The following NBAS variants were observed in gnomAD, a reference collection of about 807,000 sequenced individuals.
NBAS encodes the protein NAG/BC035112 fusion.
Under a neutral mutation model 302.5 loss-of-function variants are expected in NBAS, and 219 were observed. The observed-to-expected ratio is 0.72, with a 90% CI of 0.65 to 0.81. The LOEUF is 0.81. Among genes scored for constraint, NBAS ranks in the 30% least tolerant of loss-of-function variants. The pLI is 0.00. For missense variants in NBAS, 2,932 were observed against 2,841.6 expected, an observed-to-expected ratio of 1.03 and a Z score of -0.72; for synonymous variants, 1,118 against 1,021.6, an observed-to-expected ratio of 1.09 and a Z score of -1.80.
At chr2:15,526,678 T>C (rs79833181) in intron 9 of NBAS, among the ~76,000 whole-genome samples, 1,626 of 152,228 alleles carry the variant, frequency 0.011, 14 homozygotes, top group Non-Finnish European at 0.018. Flanking sequence ...GAAACAATAA[T>C]GTAGTTATCC....
chr2:15,050,378 G>A, the NBAS span, among the ~76,000 whole-genome samples: 6 of 151,144 alleles, frequency 4.0e-5, no homozygotes, highest in African/African-American at 1.5e-4. Flanking sequence ...AACCCTTGTG[G>A]CTTCAAAGTT....
downstream of NBAS, among the ~76,000 whole-genome samples, chr2:15,163,105 C>G (rs1266869564): frequency 6.6e-6 from 1 of 152,234 alleles, no homozygotes; most frequent in Non-Finnish European, 1.5e-5. Flanking sequence ...AGATCTAAAT[C>G]TAGCTGCAGG....
At chr2:15,314,200 A>G (rs1671404383) in intron 38 of NBAS, among the ~76,000 whole-genome samples, 1 of 152,076 alleles carries the variant, frequency 6.6e-6, no homozygotes, top group South Asian at 2.1e-4. Context: ...CTAAAAATAC[A>G]AAAAAACTAT....
chr2:14,922,122 G>A, the NBAS span, among the ~76,000 whole-genome samples: 1 of 152,200 alleles, frequency 6.6e-6, no homozygotes, highest in Non-Finnish European at 1.5e-5. Flanking sequence ...TGAAAAGCCT[G>A]ACCTCTTGCA....
chr2:15,126,305 C>T, the NBAS span, among the ~76,000 whole-genome samples: 1 of 152,152 alleles, frequency 6.6e-6, no homozygotes, highest in African/African-American at 2.4e-5. Context: ...GCTTGTTGTA[C>T]AGCTTGCAGA....
chr2:14,886,061 C>T, the NBAS span, among the ~76,000 whole-genome samples: 1 of 152,112 alleles, frequency 6.6e-6, no homozygotes, highest in Non-Finnish European at 1.5e-5. Context: ...TAACCCAGCC[C>T]AGATCAGATT....
At chr2:15,387,511 T>G (rs1675362631) in intron 28 of NBAS, among the ~76,000 whole-genome samples, 1 of 152,206 alleles carries the variant, frequency 6.6e-6, no homozygotes, top group African/African-American at 2.4e-5. Context: ...TTTTCCAGAT[T>G]TTTAAAATCT....
the NBAS span, among the ~76,000 whole-genome samples, chr2:15,039,702 C>T: frequency 1.3e-5 from 2 of 152,178 alleles, no homozygotes; most frequent in South Asian, 4.1e-4. Context: ...CAGCAGTTCC[C>T]TCCCTGAGGC....
intron 12 of NBAS, among the ~76,000 whole-genome samples, chr2:15,485,041 C>T (rs1230530182): frequency 6.6e-6 from 1 of 152,058 alleles, no homozygotes; most frequent in Admixed American, 6.5e-5. Flanking sequence ...ACTCTTCTTG[C>T]TTGACAAAGT....
the NBAS span, among the ~76,000 whole-genome samples, chr2:14,876,380 A>G: frequency 6.6e-6 from 1 of 152,100 alleles, no homozygotes; most frequent in African/African-American, 2.4e-5. Flanking sequence ...CAGTTTCCTT[A>G]TGTCTCCACT....
chr2:15,186,962 T>G, intron 49 of NBAS, 82 bp from the exon 50 acceptor site: 1 of 1,568,480 alleles, frequency 6.4e-7, no homozygotes, highest in Non-Finnish European at 8.8e-7. Context: ...ACAAGTGAAA[T>G]GCTTACGGTA....
At chr2:15,019,174 C>A in the NBAS span, among the ~76,000 whole-genome samples, 2 of 152,210 alleles carry the variant, frequency 1.3e-5, no homozygotes, top group East Asian at 3.9e-4. Context: ...GTTCAATTGG[C>A]AATAGTTAAA....
intron 51 of NBAS, among the ~76,000 whole-genome samples, chr2:15,169,487 C>T (rs371225005): frequency 8.5e-5 from 13 of 152,284 alleles, no homozygotes; most frequent in African/African-American, 2.4e-4. Context: ...CTCAGCAGCA[C>T]GGTGTCTACG....
At chr2:15,037,582 A>G in the NBAS span, among the ~76,000 whole-genome samples, 2 of 152,246 alleles carry the variant, frequency 1.3e-5, no homozygotes, top group African/African-American at 4.8e-5. Context: ...CAAAATTAAA[A>G]TCACATTAAA....
chr2:15,254,906 GTGT>G (rs1483676464), intron 44 of NBAS, among the ~76,000 whole-genome samples: 1 of 140,882 alleles, frequency 7.1e-6, no homozygotes, highest in African/African-American at 3.0e-5. Flanking sequence ...TCCATGGGGT[GTGT>G]GTGTGTGTGT....
chr2:15,272,856 T>C (rs1450493370), intron 44 of NBAS, among the ~76,000 whole-genome samples: 1 of 152,180 alleles, frequency 6.6e-6, no homozygotes, highest in Non-Finnish European at 1.5e-5. Context: ...GGCGGACATC[T>C]TGAAAGAAGT....
At chr2:14,999,891 T>C in the NBAS span, among the ~76,000 whole-genome samples, 1 of 152,232 alleles carries the variant, frequency 6.6e-6, no homozygotes, top group Admixed American at 6.5e-5. Flanking sequence ...ACATTTCTCA[T>C]CTGGAAAACA....
intron 40 of NBAS, among the ~76,000 whole-genome samples, chr2:15,307,447 G>A (rs918367766): frequency 6.6e-6 from 1 of 152,172 alleles, no homozygotes; most frequent in African/African-American, 2.4e-5. Context: ...TTGGGGTTGG[G>A]AAAGGAAGAA....
chr2:15,354,938 C>T (rs1673540031), intron 33 of NBAS, among the ~76,000 whole-genome samples: 1 of 152,126 alleles, frequency 6.6e-6, no homozygotes, highest in Non-Finnish European at 1.5e-5. Context: ...GATCCCCTGC[C>T]CTTGATGTCT....
Sources: allele counts gnomAD v4.1 joint callset (sites outside exome capture counted in the v4.1 genomes callset), GRCh38; gene constraint gnomAD v4.1.1; transcripts MANE v1.5; gene names NCBI Gene and HGNC (gene_info 2026-07-23, HGNC 2026-07-21).